Variants in ACTL8 observed in about 807,000 individuals in gnomAD.
The protein encoded by ACTL8 is actin-like protein 8.
A neutral mutation model predicts 9.3 loss-of-function variants in ACTL8; 3 were observed. That is an observed-to-expected ratio of 0.32 (90% CI 0.15 to 0.83). The LOEUF is 0.83. Ranked by LOEUF, ACTL8 falls within the 40% of genes least tolerant of loss-of-function variation. The probability of loss-of-function intolerance (pLI) is 0.57; values close to 1 mark genes in which losing one functional copy is unlikely to be tolerated. For missense variants in ACTL8, 381 were observed against 492.2 expected (o/e 0.77, Z 2.14); for synonymous variants, 224 against 205.9 (o/e 1.09, Z -0.75).
intron 1 of ACTL8, among the ~76,000 whole-genome samples, chr1:17,821,672 A>G (rs1479935448): frequency 6.6e-6 from 1 of 151,556 alleles, no homozygotes; most frequent in Non-Finnish European, 1.5e-5. Context: ...TCTGTCGCCT[A>G]GTCTGGAGTG....
At chr1:17,810,791 C>G (rs976072287) in intron 1 of ACTL8, among the ~76,000 whole-genome samples, 2 of 152,206 alleles carry the variant, frequency 1.3e-5, no homozygotes, top group African/African-American at 4.8e-5. Context: ...TTTCATGTAG[C>G]ATAGTAATTT....
At chr1:17,798,781 A>G (rs2066297433) in intron 1 of ACTL8, among the ~76,000 whole-genome samples, 1 of 152,086 alleles carries the variant, frequency 6.6e-6, no homozygotes, top group Non-Finnish European at 1.5e-5. Context: ...TTCCTTCTCC[A>G]TTCCAGCTCC....
chr1:17,803,749 CAGA>C (rs1426654012), intron 1 of ACTL8, among the ~76,000 whole-genome samples: 1 of 152,138 alleles, frequency 6.6e-6, no homozygotes, highest in Non-Finnish European at 1.5e-5. Flanking sequence ...TTAAATTCAG[CAGA>C]AGGTCTCTAT....
In ACTL8 at chr1:17,823,207, A is replaced by G. The variant is rs2053679264; in HGVS notation, c.199A>G (p.Ile67Val). The G allele has an allele frequency of 6.2e-7, 1 of 1,614,116 alleles. No homozygotes were observed. The highest frequency in any genetic ancestry group is 1.3e-5 in the African/African-American group (1 of 75,024). Residue 67 changes from isoleucine (I) to valine (V), a missense_variant, in exon 2 of 3, where the codon ATC becomes GTC. Transcript: ENST00000375406. The surrounding 1 kb of genome is among the most constrained non-coding windows in gnomAD (Gnocchi z 5.3). ...ICHPDTFSYP[I>V]ERGRILNWEG... is the part of the protein sequence containing the mutation. ...CCATCCTGACACCTTTAGCTACCCC[A>G]TCGAGCGGGGCCGCATCCTCAACTG...
intron 1 of ACTL8, among the ~76,000 whole-genome samples, chr1:17,788,516 A>C (rs1458092969): frequency 6.6e-6 from 1 of 152,328 alleles, no homozygotes; most frequent in Admixed American, 6.5e-5. Flanking sequence ...CCTGCCATGG[A>C]CGGCCTCATC....
rs1042482900 is a variant in ACTL8 at position 17,800,376 on chromosome 1, T to A, written c.-24-22609T>A. ...GCTAGGGCAAAAGAATGCTGTTAATTTTTAAGTTGGTCACTTTGAACGTGT... is the reference window on the plus strand; with the variant it reads ...GCTAGGGCAAAAGAATGCTGTTAATATTTAAGTTGGTCACTTTGAACGTGT... On this transcript the variant is annotated intron_variant, in intron 1 of 2. Transcript: ENST00000375406. Among the ~76,000 whole-genome samples the A allele has an allele frequency of 2.0e-4, 30 of 152,294 alleles. 1 individual carries two copies. The highest frequency in any genetic ancestry group is 1.9e-3 in the Admixed American group (29 of 15,306).
chr1:17,777,249 C>T (rs982338417), intron 1 of ACTL8, among the ~76,000 whole-genome samples: 1 of 152,112 alleles, frequency 6.6e-6, no homozygotes, highest in Non-Finnish European at 1.5e-5. Context: ...GTCCCACATC[C>T]TGATTCTCCA....
At chr1:17,776,212 G>A (rs149700066) in intron 1 of ACTL8, among the ~76,000 whole-genome samples, 14 of 152,312 alleles carry the variant, frequency 9.2e-5, no homozygotes, top group Non-Finnish European at 1.9e-4. Context: ...TCCTAGGCAG[G>A]ATGGGACTTG....
Position 17,767,256 on chromosome 1 carries a change from G to T in ACTL8, c.-25+11752G>T, listed in dbSNP as rs944351571. 1.3e-5 allele frequency among the ~76,000 whole-genome samples: 2 copies of T among 152,094 alleles called. No individual in the cohort carries two copies. The highest frequency in any genetic ancestry group is 4.8e-5 in the African/African-American group (2 of 41,416). On this transcript the variant is annotated intron_variant, in intron 1 of 2. Coordinates refer to ENST00000375406, the MANE Select transcript of ACTL8 (RefSeq NM_030812.3). The surrounding 1 kb of genome is among the most constrained non-coding windows in gnomAD (Gnocchi z 4.7). ...GGGCATCAGGAGGTGAGGTCAGAACGGTAAGAGTGAGGAGATGCTGGGGTT... is the reference window on the plus strand; with the variant it reads ...GGGCATCAGGAGGTGAGGTCAGAACTGTAAGAGTGAGGAGATGCTGGGGTT...
intron 1 of ACTL8, among the ~76,000 whole-genome samples, chr1:17,796,913 G>GC (rs1045131487): frequency 1.3e-5 from 2 of 152,232 alleles, no homozygotes; most frequent in African/African-American, 4.8e-5. Context: ...TGGCAAGTGG[G>GC]CCAGCCCTGA....
intron 1 of ACTL8, among the ~76,000 whole-genome samples, chr1:17,805,978 A>G (rs1210140747): frequency 6.6e-6 from 1 of 152,166 alleles, no homozygotes; most frequent in African/African-American, 2.4e-5. Flanking sequence ...ATGATTTGTG[A>G]TATGTGTCCT....
At chr1:17,758,252 C>T (rs2065979989) in intron 1 of ACTL8, among the ~76,000 whole-genome samples, 1 of 152,172 alleles carries the variant, frequency 6.6e-6, no homozygotes, top group South Asian at 2.1e-4. Context: ...GGTGGGCACA[C>T]ATTGGAGAGG....
intron 1 of ACTL8, among the ~76,000 whole-genome samples, chr1:17,811,291 T>C (rs1432908848): frequency 1.3e-5 from 2 of 152,344 alleles, no homozygotes; most frequent in East Asian, 1.9e-4. Context: ...AGTGAGTTGT[T>C]TGCTTTCTTA....
intron 1 of ACTL8, among the ~76,000 whole-genome samples, chr1:17,806,595 G>A (rs2066361529): frequency 6.6e-6 from 1 of 152,222 alleles, no homozygotes; most frequent in Non-Finnish European, 1.5e-5. Context: ...TGTAGCAGAG[G>A]TTCCTGATTT....
chr1:17,808,276 T>C (rs568714415), intron 1 of ACTL8, among the ~76,000 whole-genome samples: 5 of 152,212 alleles, frequency 3.3e-5, no homozygotes, highest in Non-Finnish European at 7.3e-5. Flanking sequence ...AGGAGGCAGA[T>C]GGCAATAAGA....
Position 17,823,029 on chromosome 1 carries a change from C to T in ACTL8, c.21C>T (p.Ile7=). The change falls in exon 2 of 3, where the codon ATC becomes ATT. Residue 7 remains isoleucine, a synonymous_variant. Coordinates refer to ENST00000375406, the MANE Select transcript of ACTL8 (RefSeq NM_030812.3). The surrounding 1 kb of genome is among the most constrained non-coding windows in gnomAD (Gnocchi z 5.3). ...CCGCCATGGCTGCAAGAACCGTTAT[C>T]ATTGACCACGGGTCTGGCTTTTTGA... is the stretch of plus-strand genomic sequence containing the variant. MAARTV[I]IDHGSGFLKA... 6.2e-7 allele frequency: 1 copy of T among 1,614,026 alleles called. No individual in the cohort carries two copies. Among genetic ancestry groups the T allele is most frequent in the Non-Finnish European group, 8.5e-7 (1 of 1,179,980 alleles).
chr1:17,816,200 CTT>C (rs34383884), intron 1 of ACTL8, among the ~76,000 whole-genome samples: 56 of 139,548 alleles, frequency 4.0e-4, no homozygotes, highest in East Asian at 8.4e-4. Context: ...ATATTAATAG[CTT>C]TTTTTTTTTT....
chr1:17,794,031 G>A (rs1032925657), intron 1 of ACTL8, among the ~76,000 whole-genome samples: 44 of 152,226 alleles, frequency 2.9e-4, no homozygotes, highest in Middle Eastern at 3.4e-3. Flanking sequence ...TCATTCCAGG[G>A]CACCATGAAA....
chr1:17,790,935 G>A (rs2066234302), intron 1 of ACTL8, among the ~76,000 whole-genome samples: 1 of 152,226 alleles, frequency 6.6e-6, no homozygotes, highest in African/African-American at 2.4e-5. Flanking sequence ...ACAGGGCCTG[G>A]GCTTGGCCTT....
Sources: allele counts gnomAD v4.1 joint callset (sites outside exome capture counted in the v4.1 genomes callset), GRCh38; gene constraint gnomAD v4.1.1; non-coding constraint Gnocchi (gnomAD v3.1); transcripts MANE v1.5; gene names NCBI Gene and HGNC (gene_info 2026-07-23, HGNC 2026-07-21).